PAK2: variants seen among roughly 807,000 people sequenced by gnomAD.
PAK2 encodes p21 (RAC1) activated kinase 2.
A neutral mutation model predicts 65.9 loss-of-function variants in PAK2; 21 were observed. That is an observed-to-expected ratio of 0.32 (90% confidence interval 0.23 to 0.46). The LOEUF (loss-of-function observed/expected upper bound fraction) is 0.46. PAK2 is among the 20% of genes least tolerant of loss of function. The pLI, the probability that PAK2 is intolerant of heterozygous loss-of-function variation, is 1.00. For missense variants in PAK2, 324 were observed against 642.6 expected, an observed-to-expected ratio of 0.50 and a Z score of 5.36; for synonymous variants, 204 against 219.7, an observed-to-expected ratio of 0.93 and a Z score of 0.63.
intron 12 of PAK2, 150 bp downstream of exon 12, chr3:196,818,306 T>C (rs1711536017): frequency 3.8e-6 from 2 of 528,544 alleles, no homozygotes; most frequent in Non-Finnish European, 6.8e-6. Context: ...CTCTGAGGGT[T>C]TTAACTAATC....
At chr3:196,764,370 C>G (rs563541809) in intron 1 of PAK2, among the ~76,000 whole-genome samples, 3 of 152,204 alleles carry the variant, frequency 2.0e-5, no homozygotes, top group African/African-American at 7.2e-5. Context: ...AATCCCAGCA[C>G]TTTGGGAGAC....
intron 1 of PAK2, among the ~76,000 whole-genome samples, chr3:196,757,402 T>A (rs1387279031): frequency 2.6e-5 from 4 of 152,164 alleles, no homozygotes; most frequent in African/African-American, 9.7e-5. Context: ...CAGGAGAGAT[T>A]TACAAAGAGT....
chr3:196,787,509 G>A (rs1035540149), intron 2 of PAK2, among the ~76,000 whole-genome samples: 9 of 151,772 alleles, frequency 5.9e-5, no homozygotes, highest in Middle Eastern at 6.8e-3. Context: ...GACCCGGGAG[G>A]CAGAGCTTGC....
chr3:196,790,055 G>A (rs1227969141), intron 2 of PAK2, among the ~76,000 whole-genome samples: 1 of 152,188 alleles, frequency 6.6e-6, no homozygotes, highest in Non-Finnish European at 1.5e-5. Context: ...TGGGGCTGGG[G>A]ACACCTTTCC....
chr3:196,765,610 A>G (rs746409994), intron 1 of PAK2, among the ~76,000 whole-genome samples: 93 of 152,318 alleles, frequency 6.1e-4, no homozygotes, highest in Non-Finnish European at 1.1e-3. Context: ...GCCTTAATTT[A>G]CATTTCATTA....
chr3:196,784,289 A>G (rs1349997147), intron 2 of PAK2, among the ~76,000 whole-genome samples: 7 of 126,050 alleles, frequency 5.6e-5, no homozygotes, highest in Non-Finnish European at 9.8e-5. Context: ...GGTTAGTTAC[A>G]TATGTATACA....
chr3:196,793,504 A>G (rs1356990687), intron 2 of PAK2, among the ~76,000 whole-genome samples: 4 of 152,186 alleles, frequency 2.6e-5, no homozygotes, highest in African/African-American at 7.2e-5. Context: ...GCTTTTTAAT[A>G]CTTTCTATAT....
chr3:196,743,389 C>A (rs1019216487), intron 1 of PAK2, among the ~76,000 whole-genome samples: 2 of 152,162 alleles, frequency 1.3e-5, no homozygotes, highest in Non-Finnish European at 2.9e-5. Context: ...TTGCTTTTCT[C>A]ACCTGTAAGA....
intron 11 of PAK2, among the ~76,000 whole-genome samples, chr3:196,816,801 C>T (rs528029023): frequency 6.9e-4 from 105 of 152,256 alleles, no homozygotes; most frequent in Non-Finnish European, 7.6e-4. Flanking sequence ...AACGTCATCT[C>T]GTTCTCGTTT....
chr3:196,800,173 G>A (rs948708896), intron 2 of PAK2, among the ~76,000 whole-genome samples: 3 of 152,154 alleles, frequency 2.0e-5, no homozygotes, highest in African/African-American at 7.2e-5. Context: ...TTGAGGCCAG[G>A]AGTTTGAGAC....
intron 2 of PAK2, among the ~76,000 whole-genome samples, chr3:196,795,348 ACT>A (rs1715223254): frequency 6.6e-6 from 1 of 151,716 alleles, no homozygotes; most frequent in African/African-American, 2.4e-5. Context: ...GTGCACCTGT[ACT>A]CCCAGGACTT....
intron 13 of PAK2, among the ~76,000 whole-genome samples, chr3:196,823,647 C>T (rs1245537372): frequency 6.6e-6 from 1 of 151,768 alleles, no homozygotes; most frequent in Non-Finnish European, 1.5e-5. Flanking sequence ...GGGCAGATCA[C>T]TTGAGGTCAG....
rs145047469 is a variant in PAK2 at position 196,788,484 on chromosome 3, G to A, written c.187+5651G>A. 2.2e-4 allele frequency among the ~76,000 whole-genome samples: 33 copies of A among 152,244 alleles called. No individual in the cohort carries two copies. In the East Asian group the frequency reaches 5.4e-3, roughly 25 times the overall value. ...AACTCGAAAATTATCCTTTTGGATC[G>A]TGCCGTTTTAAGGCAACTTGACAGA... On this transcript the variant is annotated intron_variant, in intron 2 of 14. Transcript: ENST00000327134.
intron 1 of PAK2, among the ~76,000 whole-genome samples, chr3:196,761,612 G>T (rs866353735): frequency 2.2e-4 from 28 of 125,156 alleles, no homozygotes; most frequent in African/African-American, 8.1e-4. Flanking sequence ...CACCTTTCCC[G>T]CCTTTCTATT....
chr3:196,773,000 G>A (rs1204317840), intron 1 of PAK2, among the ~76,000 whole-genome samples: 3 of 152,170 alleles, frequency 2.0e-5, no homozygotes, highest in Non-Finnish European at 4.4e-5. Context: ...AGTAAGTTTA[G>A]TAATCTCCAC....
chr3:196,806,594 A>G lies in PAK2; in HGVS notation c.484A>G (p.Thr162Ala). The G allele has an allele frequency of 6.2e-7, 1 of 1,610,544 alleles. No individual in the cohort carries two copies. Among genetic ancestry groups the G allele is most frequent in the Non-Finnish European group, 8.5e-7 (1 of 1,176,850 alleles). Residue 162 changes from threonine to alanine, a missense_variant, in exon 6 of 15, where the codon ACA (threonine) becomes GCA (alanine). This residue lies in a region of PAK2 where 183 missense variants were observed against 246.2 expected (regional missense o/e 0.74). Coordinates refer to ENST00000327134, the MANE Select transcript of PAK2 (RefSeq NM_002577.4). The stretch of plus-strand genomic sequence containing the variant: ...ATCAATGCAGCTGAATGCCAAGGGA[A>G]CAGAAGCACCCGCAGTAGTGACAGA... ...SGTPALNAKGTEAPAVVTEEE... is the reference protein window; with the variant it reads ...SGTPALNAKGAEAPAVVTEEE...
chr3:196,818,261 T>C (rs1387193020), intron 12 of PAK2, 105 bp downstream of exon 12: 6 of 576,698 alleles, frequency 1.0e-5, no homozygotes, highest in African/African-American at 7.5e-5. Context: ...TGATTTAATA[T>C]AGGAAGAGGT....
At chr3:196,808,557 C>CAGAAAAAAAAAAAAA (rs1715664984) in intron 7 of PAK2, among the ~76,000 whole-genome samples, 1 of 56,582 alleles carries the variant, frequency 1.8e-5, no homozygotes, top group Admixed American at 1.9e-4. Context: ...GACTCCATCT[C>CAGAAAAAAAAAAAAA]AAAAAAAAAA....
chr3:196,763,924 G>T (rs1714069433), intron 1 of PAK2, among the ~76,000 whole-genome samples: 2 of 151,190 alleles, frequency 1.3e-5, no homozygotes, highest in South Asian at 2.1e-4. Flanking sequence ...TCAGCCTCCA[G>T]AGTAGCTGGG....
Sources: allele counts gnomAD v4.1 joint callset (sites outside exome capture counted in the v4.1 genomes callset), GRCh38; gene constraint gnomAD v4.1.1; regional missense constraint gnomAD v4.1.1; transcripts MANE v1.5; gene names NCBI Gene and HGNC (gene_info 2026-07-23, HGNC 2026-07-21).